Variants in CACNA1E observed in about 807,000 individuals in gnomAD.
The protein encoded by CACNA1E is calcium voltage-gated channel subunit alpha1 E.
In CACNA1E, 40 loss-of-function variants were observed where a neutral mutation model predicts 259.2. The ratio of observed to expected loss-of-function variants is 0.15; its 90% CI spans 0.12 to 0.20. CACNA1E has a LOEUF of 0.20. Ranked by LOEUF, CACNA1E falls within the 10% of genes least tolerant of loss-of-function variation. The pLI, the probability that CACNA1E is intolerant of heterozygous loss-of-function variation, is 1.00. For synonymous variants in CACNA1E, 1,104 were observed against 1,138.5 expected (o/e 0.97, Z 0.61); for missense variants, 1,874 against 3,040.1 (o/e 0.62, Z 9.02).
intron 3 of CACNA1E, among the ~76,000 whole-genome samples, chr1:181,550,553 A>T (rs933045985): frequency 2.0e-5 from 3 of 151,950 alleles, no homozygotes; most frequent in African/African-American, 7.3e-5. Context: ...GGGAGCTGGC[A>T]GGAGGGGTGG....
intron 3 of CACNA1E, among the ~76,000 whole-genome samples, chr1:181,567,935 G>A (rs987799797): frequency 1.3e-5 from 2 of 151,878 alleles, no homozygotes; most frequent in African/African-American, 4.8e-5. Flanking sequence ...TTTTATGTAT[G>A]TGTGTATATA....
intron 6 of CACNA1E, among the ~76,000 whole-genome samples, chr1:181,632,452 C>T (rs1245080218): frequency 6.6e-6 from 1 of 152,116 alleles, no homozygotes; most frequent in African/African-American, 2.4e-5. Context: ...ATTGGCTGGC[C>T]CCCAAGGAGC....
chr1:181,354,062 T>C (rs1653239579), intron 1 of CACNA1E, among the ~76,000 whole-genome samples: 1 of 152,168 alleles, frequency 6.6e-6, no homozygotes, highest in Non-Finnish European at 1.5e-5. Flanking sequence ...GACACACAAA[T>C]TGGAATCTTA....
At chr1:181,745,367 G>A (rs1010890411) in intron 25 of CACNA1E, 2 of 495,340 alleles carry the variant, frequency 4.0e-6, no homozygotes, top group Admixed American at 2.2e-5. Flanking sequence ...GAAATTGGGA[G>A]ATGGTTGGTT....
intron 21 of CACNA1E, 56 bp from the exon 22 acceptor site, chr1:181,736,219 G>T (rs1656016236): frequency 6.5e-7 from 1 of 1,530,488 alleles, no homozygotes; most frequent in East Asian, 2.5e-5. Context: ...AACACAAATG[G>T]TGCCATTTTC....
At chr1:181,682,724 G>A (rs778952968) in intron 7 of CACNA1E, among the ~76,000 whole-genome samples, 4 of 152,184 alleles carry the variant, frequency 2.6e-5, no homozygotes, top group Non-Finnish European at 5.9e-5. Flanking sequence ...GAGCTGGCAC[G>A]TCTTACATGG....
intron 1 of CACNA1E, among the ~76,000 whole-genome samples, chr1:181,399,661 G>A (rs675498): frequency 0.5 from 76,055 of 152,080 alleles, 19,621 homozygotes; most frequent in African/African-American, 0.62. Flanking sequence ...AAGATAGCTC[G>A]GGGGATCTTT....
chr1:181,617,160 T>C (rs1283945250), intron 6 of CACNA1E, among the ~76,000 whole-genome samples: 1 of 152,176 alleles, frequency 6.6e-6, no homozygotes, highest in African/African-American at 2.4e-5. Flanking sequence ...GGATTGTAAA[T>C]TTATTTTTGT....
chr1:181,419,865 A>G (rs1304732138), intron 2 of CACNA1E, among the ~76,000 whole-genome samples: 2 of 152,100 alleles, frequency 1.3e-5, no homozygotes, highest in Non-Finnish European at 2.9e-5. Flanking sequence ...TCTCTGCCCC[A>G]CTTCAGGGCT....
intron 8 of CACNA1E, among the ~76,000 whole-genome samples, chr1:181,713,600 C>T (rs1010883477): frequency 3.9e-5 from 6 of 152,114 alleles, no homozygotes; most frequent in Non-Finnish European, 8.8e-5. Flanking sequence ...ATGACTTTAA[C>T]CTCTCCTACT....
At chr1:181,655,068 A>G (rs1040806483) in intron 7 of CACNA1E, among the ~76,000 whole-genome samples, 1 of 151,992 alleles carries the variant, frequency 6.6e-6, no homozygotes, top group East Asian at 1.9e-4. Flanking sequence ...ATATGATACC[A>G]TTTACATAAA....
chr1:181,515,120 A>G (rs1056326594), intron 3 of CACNA1E, among the ~76,000 whole-genome samples: 1 of 151,926 alleles, frequency 6.6e-6, no homozygotes, highest in African/African-American at 2.4e-5. Context: ...CCATGGTTCT[A>G]AGGCTCTGTG....
intron 1 of CACNA1E, among the ~76,000 whole-genome samples, chr1:181,499,800 TGGCTGA>T (rs1469182116): frequency 6.6e-6 from 1 of 152,228 alleles, no homozygotes; most frequent in Non-Finnish European, 1.5e-5. Context: ...GGTCCAGCCA[TGGCTGA>T]GATCCACTGA....
chr1:181,343,485 C>G (rs1242675200), intron 1 of CACNA1E, among the ~76,000 whole-genome samples: 1 of 152,000 alleles, frequency 6.6e-6, no homozygotes, highest in East Asian at 2.0e-4. Context: ...CACTGGCTTC[C>G]CCTTTCCCTT....
intron 15 of CACNA1E, among the ~76,000 whole-genome samples, chr1:181,721,457 T>G (rs1297152672): frequency 6.6e-6 from 1 of 152,138 alleles, no homozygotes; most frequent in Non-Finnish European, 1.5e-5. Context: ...GACCACCTGA[T>G]CTGTGTCATT....
chr1:181,489,132 C>G (rs547906264), intron 1 of CACNA1E, among the ~76,000 whole-genome samples: 1 of 152,202 alleles, frequency 6.6e-6, no homozygotes, highest in Non-Finnish European at 1.5e-5. Flanking sequence ...GATGTGCAAT[C>G]CAGTCCATCA....
intron 1 of CACNA1E, among the ~76,000 whole-genome samples, chr1:181,345,929 C>G (rs551988080): frequency 6.6e-6 from 1 of 152,318 alleles, no homozygotes; most frequent in African/African-American, 2.4e-5. Flanking sequence ...GCTTCAGCTC[C>G]CCACAACGTG....
intron 7 of CACNA1E, among the ~76,000 whole-genome samples, chr1:181,686,818 T>G (rs1464692793): frequency 6.6e-6 from 1 of 152,160 alleles, no homozygotes; most frequent in Non-Finnish European, 1.5e-5. Context: ...GTGAAGAGTT[T>G]CCCTGCATGG....
At chr1:181,693,974 A>G (rs111415453) in intron 7 of CACNA1E, among the ~76,000 whole-genome samples, 140 of 152,300 alleles carry the variant, frequency 9.2e-4, no homozygotes, top group African/African-American at 3.3e-3. Flanking sequence ...ATCCTTCACA[A>G]ACCCCTTTAG....
Sources: gnomAD v4.1 joint callset for allele counts (sites outside exome capture counted in the v4.1 genomes callset) on GRCh38, gnomAD v4.1.1 for gene constraint, MANE v1.5 for transcripts, NCBI Gene and HGNC (gene_info 2026-07-23, HGNC 2026-07-21) for gene names.